The following DGKB variants were observed in gnomAD, a reference collection of about 807,000 sequenced individuals.
The protein encoded by DGKB is 90 kDa diacylglycerol kinase.
In DGKB, 67 loss-of-function variants were observed where a neutral mutation model predicts 114.3. The observed-to-expected ratio is 0.59, with a 90% confidence interval of 0.48 to 0.72. The LOEUF is 0.72. Ranked by LOEUF, DGKB falls within the 30% of genes least tolerant of loss-of-function variation. The pLI is 0.00. For missense variants in DGKB, 907 were observed against 975.2 expected (o/e 0.93, Z 0.93); for synonymous variants, 398 against 323.1 (o/e 1.23, Z -2.49).
At chr7:14,802,513 A>G (rs191040318) in intron 2 of DGKB, among the ~76,000 whole-genome samples, 2 of 152,260 alleles carry the variant, frequency 1.3e-5, no homozygotes, top group East Asian at 3.9e-4. Flanking sequence ...GTCTCTGAAG[A>G]TTTTAAAAAT....
rs545093247 is a variant in DGKB, at chr7:14,433,264, G to T, written c.1835+44897C>A. 3.9e-5 allele frequency among the ~76,000 whole-genome samples: 6 copies of T among 152,218 alleles called. No homozygotes were observed. The South Asian group carries it at 1.2e-3, about 32-fold the overall frequency. ...GAGATTAGCTGATGCCTTTTTTTGA[G>T]ACTTCATTGCAGTTCAACTCTTCTC... is the stretch of plus-strand genomic sequence containing the variant. On this transcript the variant is annotated intron_variant, in intron 21 of 25. Coordinates refer to ENST00000402815, the MANE Select transcript of DGKB (RefSeq NM_001350709.2).
chr7:14,957,212 A>G (rs1587456073), intron 1 of DGKB, among the ~76,000 whole-genome samples: 1 of 151,996 alleles, frequency 6.6e-6, no homozygotes, highest in African/African-American at 2.4e-5. Context: ...GGTTCCCCAG[A>G]CAGAATTTGA....
At chr7:14,308,858 A>G (rs1804899815) in intron 23 of DGKB, among the ~76,000 whole-genome samples, 1 of 152,200 alleles carries the variant, frequency 6.6e-6, no homozygotes, top group Non-Finnish European at 1.5e-5. Flanking sequence ...TAGGTTTCTA[A>G]CAATCTCGAT....
intron 19 of DGKB, among the ~76,000 whole-genome samples, chr7:14,577,568 G>C (rs984357389): frequency 1.3e-5 from 2 of 152,080 alleles, no homozygotes; most frequent in African/African-American, 4.8e-5. Context: ...AGTGAGCTGA[G>C]ATTGCGCCAC....
chr7:14,786,623 T>TCTCA (rs374593818), intron 2 of DGKB, among the ~76,000 whole-genome samples: 75 of 152,338 alleles, frequency 4.9e-4, no homozygotes, highest in African/African-American at 1.7e-3. Context: ...AAGTACCTGC[T>TCTCA]CTCACTGCCT....
At chr7:14,878,174 G>A (rs898978594) in intron 1 of DGKB, among the ~76,000 whole-genome samples, 1 of 151,876 alleles carries the variant, frequency 6.6e-6, no homozygotes, top group Non-Finnish European at 1.5e-5. Context: ...TATAAACCAA[G>A]TTGGCAAGAA....
At chr7:14,525,297 C>T (rs1330468528) in intron 20 of DGKB, among the ~76,000 whole-genome samples, 2 of 152,158 alleles carry the variant, frequency 1.3e-5, no homozygotes, top group Non-Finnish European at 1.5e-5. Flanking sequence ...CTTCTTTGTG[C>T]ATGATCCCAA....
At chr7:14,490,836 C>A (rs745614609) in intron 20 of DGKB, among the ~76,000 whole-genome samples, 47 of 152,088 alleles carry the variant, frequency 3.1e-4, no homozygotes, top group Non-Finnish European at 5.7e-4. Context: ...AAATATTTCA[C>A]TCAATTATTT....
chr7:14,584,851 G>A (rs1800501833), intron 17 of DGKB, among the ~76,000 whole-genome samples: 1 of 151,794 alleles, frequency 6.6e-6, no homozygotes, highest in Non-Finnish European at 1.5e-5. Context: ...GTAGAGACAG[G>A]GTTTCACCAT....
chr7:14,752,797 C>A (rs180941018), intron 4 of DGKB, among the ~76,000 whole-genome samples: 1 of 152,026 alleles, frequency 6.6e-6, no homozygotes, highest in Non-Finnish European at 1.5e-5. Flanking sequence ...GGGTGCTCAA[C>A]AAAAGTCATT....
chr7:14,481,696 T>G (rs1278892418), intron 20 of DGKB, among the ~76,000 whole-genome samples: 1 of 151,954 alleles, frequency 6.6e-6, no homozygotes, highest in African/African-American at 2.4e-5. Context: ...ACTATATGGG[T>G]TTTTATTGTT....
At position 14,542,296 on chromosome 7, in the gene DGKB, C is replaced by G. The variant is rs76358458; in HGVS notation, c.1770+31916G>C. Among the ~76,000 whole-genome samples the G allele has an allele frequency of 3.2e-3, 491 of 152,224 alleles. 1 individual carries two copies. Among genetic ancestry groups the G allele is most frequent in the African/African-American group, 0.011 (467 of 41,534 alleles). On this transcript the variant is annotated intron_variant, in intron 20 of 25. Transcript: ENST00000402815. ...GTCTCGTCTTTCCAAAGTGCTGGTG[C>G]AAGCCAGGTGCTCCCTGCTGCTTTT... is the stretch of plus-strand genomic sequence containing the variant.
chr7:14,831,953 A>G (rs763074076), intron 2 of DGKB, among the ~76,000 whole-genome samples: 6 of 152,118 alleles, frequency 3.9e-5, no homozygotes, highest in Non-Finnish European at 5.9e-5. Context: ...AATAAAGAAT[A>G]TATCTCGGAG....
chr7:14,557,466 T>C (rs1007235887), intron 20 of DGKB, among the ~76,000 whole-genome samples: 2 of 152,140 alleles, frequency 1.3e-5, no homozygotes, highest in African/African-American at 4.8e-5. Context: ...GTCATTATAC[T>C]TCCGCTCTTT....
intron 23 of DGKB, among the ~76,000 whole-genome samples, chr7:14,293,589 A>G (rs1802092416): frequency 6.6e-6 from 1 of 152,194 alleles, no homozygotes; most frequent in Non-Finnish European, 1.5e-5. Context: ...GTCATCACCA[A>G]AAATAACTAA....
chr7:14,256,459 ATAAATATTT>A (rs1462814005), intron 23 of DGKB, among the ~76,000 whole-genome samples: 3 of 17,836 alleles, frequency 1.7e-4, no homozygotes, highest in East Asian at 0.1. Context: ...CCATTCTAAA[ATAAATATTT>A]TATTTATTTA....
intron 1 of DGKB, among the ~76,000 whole-genome samples, chr7:14,965,355 G>C (rs1193345786): frequency 6.6e-6 from 1 of 151,984 alleles, no homozygotes; most frequent in Non-Finnish European, 1.5e-5. Context: ...ATGCAAGTAC[G>C]AGGAGGGGAA....
intron 21 of DGKB, among the ~76,000 whole-genome samples, chr7:14,411,331 T>C (rs941531833): frequency 3.9e-5 from 6 of 152,170 alleles, no homozygotes; most frequent in Non-Finnish European, 5.9e-5. Flanking sequence ...ACAATGGATT[T>C]GTCAGGACGT....
intron 1 of DGKB, among the ~76,000 whole-genome samples, chr7:14,872,657 T>G (rs190751480): frequency 7.2e-5 from 11 of 152,174 alleles, no homozygotes; most frequent in African/African-American, 2.6e-4. Context: ...AATTCTGAAA[T>G]CAAAGCTTGT....
Sources: allele counts gnomAD v4.1 joint callset (sites outside exome capture counted in the v4.1 genomes callset), GRCh38; gene constraint gnomAD v4.1.1; transcripts MANE v1.5; gene names NCBI Gene and HGNC (gene_info 2026-07-23, HGNC 2026-07-21).